Variants in OSBPL2 observed in about 807,000 individuals in gnomAD.
The protein encoded by OSBPL2 is oxysterol-binding protein-related protein 2.
A neutral mutation model predicts 58.4 loss-of-function variants in OSBPL2; 18 were observed. The observed-to-expected ratio is 0.31, with a 90% confidence interval of 0.21 to 0.46. OSBPL2 has a LOEUF of 0.46. Ranked by LOEUF, OSBPL2 falls within the 20% of genes least tolerant of loss-of-function variation. The pLI, the probability that OSBPL2 is intolerant of heterozygous loss-of-function variation, is 1.00. For missense variants in OSBPL2, 461 were observed against 616.5 expected (o/e 0.75, Z 2.67); for synonymous variants, 221 against 234.1 (o/e 0.94, Z 0.51).
chr20:62,252,033 A>G (rs1257821001), intron 1 of OSBPL2, among the ~76,000 whole-genome samples: 1 of 151,194 alleles, frequency 6.6e-6, no homozygotes, highest in Admixed American at 6.6e-5. Context: ...AGGTGGGCGC[A>G]CCACCACACC....
chr20:62,280,499 G>T (rs1376997931), intron 7 of OSBPL2, among the ~76,000 whole-genome samples: 4 of 152,242 alleles, frequency 2.6e-5, no homozygotes, highest in Non-Finnish European at 4.4e-5. Flanking sequence ...AAAATACCCT[G>T]CTCTGAGCAG....
chr20:62,243,880 TA>T (rs1467823360), intron 1 of OSBPL2, among the ~76,000 whole-genome samples: 3 of 150,250 alleles, frequency 2.0e-5, no homozygotes, highest in African/African-American at 7.4e-5. Flanking sequence ...TTGCAGAGGG[TA>T]GGGGGGTTAG....
chr20:62,281,146 G>A lies in OSBPL2; in HGVS notation c.763G>A (p.Val255Met). 1 of 1,611,818 alleles carries A rather than the reference G, an allele frequency of 6.2e-7. No individual in the cohort carries two copies. The highest frequency in any genetic ancestry group is 2.2e-5 in the East Asian group (1 of 44,790). ...GKLWIEQYGTVEILNHRTGHK... is the reference protein window; with the variant it reads ...GKLWIEQYGTMEILNHRTGHK... ...GCTGTGGATAGAGCAGTATGGGACA[G>A]TGGAGATTTTAAACCACAGGTGACA... Residue 255 changes from valine to methionine, a missense_variant, in exon 8 of 14, where the codon GTG (valine) becomes ATG (methionine). This residue lies in a region of OSBPL2 where 319 missense variants were observed against 419.2 expected (regional missense o/e 0.76). Transcript: ENST00000313733.
intron 1 of OSBPL2, among the ~76,000 whole-genome samples, chr20:62,249,179 G>A (rs892364171): frequency 4.6e-5 from 7 of 152,178 alleles, no homozygotes; most frequent in Admixed American, 1.3e-4. Context: ...ACTGGGGCCT[G>A]CAGGGATGGC....
In OSBPL2 at chr20:62,276,889, C is replaced by T. The variant is rs542996080; in HGVS notation, c.492-2268C>T. Among the ~76,000 whole-genome samples the T allele has an allele frequency of 3.1e-4, 47 of 152,350 alleles. 1 individual carries two copies. The highest frequency in any genetic ancestry group is 9.6e-4 in the African/African-American group (40 of 41,588). ...GCCAGCCTTCTCGTCCTCTGGTCAG[C>T]GTGCTGTGCCACTGTCAGAGGCATT... On this transcript the variant is annotated intron_variant, in intron 6 of 13. Coordinates refer to ENST00000313733, the MANE Select transcript of OSBPL2 (RefSeq NM_144498.4).
At chr20:62,265,402 C>G (rs1009214342) in intron 4 of OSBPL2, among the ~76,000 whole-genome samples, 7 of 152,138 alleles carry the variant, frequency 4.6e-5, no homozygotes, top group African/African-American at 1.4e-4. Flanking sequence ...TCTGCTGAAC[C>G]CCCATCCTTT....
At chr20:62,263,198 G>A (rs191461732) in intron 3 of OSBPL2, among the ~76,000 whole-genome samples, 87 of 152,306 alleles carry the variant, frequency 5.7e-4, no homozygotes, top group African/African-American at 1.9e-3. Flanking sequence ...TTTAAAGGGC[G>A]GAACAGCTTT....
Position 62,293,824 on chromosome 20 carries a change from C to G in OSBPL2, c.1380C>G (p.Pro460=). 2 of 1,614,144 alleles carry G rather than the reference C, an allele frequency of 1.2e-6. No homozygotes were observed. Among genetic ancestry groups the G allele is most frequent in the Non-Finnish European group, 1.7e-6 (2 of 1,180,014 alleles). Residue 460 remains proline (P), a synonymous_variant, in exon 14 of 14, where the codon CCC becomes CCG. Transcript: ENST00000313733. ...YPGNNPYTGT[P]DWLYAGDYFE... Reference sequence around the variant, plus strand: ...GCAATAACCCCTACACTGGGACCCCCGACTGGTTGTATGCAGGGGATTACT... The same window carrying G: ...GCAATAACCCCTACACTGGGACCCCGGACTGGTTGTATGCAGGGGATTACT...
At chr20:62,239,152 G>T (rs930700860) in intron 1 of OSBPL2, 1 of 152,360 alleles carries the variant, frequency 6.6e-6, no homozygotes, top group South Asian at 2.1e-4. Flanking sequence ...AGGCCTGTGT[G>T]CACGTCGTCC....
At chr20:62,284,205 C>G in intron 10 of OSBPL2, 36 bp downstream of exon 10, 1 of 1,613,734 alleles carries the variant, frequency 6.2e-7, no homozygotes, top group Non-Finnish European at 8.5e-7. Flanking sequence ...GAGCTGAGCC[C>G]TGGGTGCTGA....
intron 1 of OSBPL2, chr20:62,239,023 G>A (rs1979532100): frequency 6.6e-6 from 1 of 152,096 alleles, no homozygotes; most frequent in African/African-American, 2.4e-5. Flanking sequence ...CACCTCACCG[G>A]GAACAGGGAA....
intron 4 of OSBPL2, among the ~76,000 whole-genome samples, chr20:62,266,276 G>A (rs944839133): frequency 6.6e-6 from 1 of 152,192 alleles, no homozygotes; most frequent in Non-Finnish European, 1.5e-5. Flanking sequence ...GAAAGGCGCT[G>A]GGAGGGGCCT....
chr20:62,289,185 GTC>G lies in OSBPL2; in HGVS notation c.1126-18_1126-17del, dbSNP rs1200743609. ...GGTTCAGAGGCCCTGCTGAGGTCGT[GTC>G]TCTGTGCCTTGCTCCACAGATGTAT... On this transcript the variant is annotated intron_variant, in intron 11 of 13. Transcript: ENST00000313733. 6.2e-7 allele frequency: 1 copy of G among 1,613,012 alleles called. No homozygotes were observed. Among genetic ancestry groups the G allele is most frequent in the Non-Finnish European group, 8.5e-7 (1 of 1,179,438 alleles).
intron 1 of OSBPL2, among the ~76,000 whole-genome samples, chr20:62,245,239 C>T (rs144561616): frequency 0.027 from 4,059 of 152,208 alleles, 75 homozygotes; most frequent in South Asian, 0.047. Flanking sequence ...GCTGGGACTA[C>T]AGGCATGTGC....
chr20:62,272,720 C>T (rs944516719), intron 5 of OSBPL2, among the ~76,000 whole-genome samples: 3 of 152,134 alleles, frequency 2.0e-5, no homozygotes, highest in Admixed American at 1.3e-4. Context: ...ACAGTGAGAC[C>T]GCATCTCTAC....
At chr20:62,282,655 C>T (rs986256055) in intron 9 of OSBPL2, among the ~76,000 whole-genome samples, 1 of 152,116 alleles carries the variant, frequency 6.6e-6, no homozygotes, top group Non-Finnish European at 1.5e-5. Flanking sequence ...GGTAAAACCC[C>T]GTCTCTACTA....
At chr20:62,291,313 C>T (rs1285861876) in intron 12 of OSBPL2, 2 of 326,830 alleles carry the variant, frequency 6.1e-6, no homozygotes, top group Non-Finnish European at 1.2e-5. Flanking sequence ...AAAGGGAGCT[C>T]GTCTTTGGGA....
intron 1 of OSBPL2, among the ~76,000 whole-genome samples, chr20:62,241,938 A>G (rs1352802713): frequency 1.3e-5 from 2 of 152,182 alleles, no homozygotes; most frequent in African/African-American, 2.4e-5. Flanking sequence ...TTTAATTCCA[A>G]TATGTAGTAC....
chr20:62,290,494 G>A (rs1024780609), intron 12 of OSBPL2, among the ~76,000 whole-genome samples: 10 of 133,824 alleles, frequency 7.5e-5, no homozygotes, highest in African/African-American at 2.3e-4. Flanking sequence ...TCGGTTCACT[G>A]CAAGCTCCGC....
Sources: allele counts gnomAD v4.1 joint callset (sites outside exome capture counted in the v4.1 genomes callset), GRCh38; gene constraint gnomAD v4.1.1; regional missense constraint gnomAD v4.1.1; transcripts MANE v1.5; gene names NCBI Gene and HGNC (gene_info 2026-07-23, HGNC 2026-07-21).